Variants in CLOCK observed in about 807,000 individuals in gnomAD.
The protein encoded by CLOCK is clock circadian regulator.
A neutral mutation model predicts 118.4 loss-of-function variants in CLOCK; 43 were observed. The observed-to-expected ratio is 0.36, with a 90% CI of 0.28 to 0.47. The LOEUF (loss-of-function observed/expected upper bound fraction) is 0.47. CLOCK is among the 20% of genes least tolerant of loss of function. CLOCK has a pLI of 1.00. For missense variants in CLOCK, 846 were observed against 999.9 expected, an observed-to-expected ratio of 0.85 and a Z score of 2.08; for synonymous variants, 326 against 339.2, an observed-to-expected ratio of 0.96 and a Z score of 0.43.
intron 2 of CLOCK, among the ~76,000 whole-genome samples, chr4:55,498,065 T>C (rs1728198273): frequency 6.9e-6 from 1 of 144,966 alleles, no homozygotes; most frequent in Non-Finnish European, 1.5e-5. Flanking sequence ...GATTATTAAG[T>C]AGTACTTTGA....
chr4:55,435,386 C>T lies in CLOCK; in HGVS notation c.*29G>A, dbSNP rs760745869. On this transcript the variant is annotated 3_prime_UTR_variant, in exon 23 of 23. Coordinates refer to ENST00000513440, the MANE Select transcript of CLOCK (RefSeq NM_004898.4). ...CTCTTAATGGGCCATCCCCTTCCTC[C>T]CTTGATGTCAAGAGAGGAAGCACGT... is the stretch of plus-strand genomic sequence containing the variant. 3.7e-6 allele frequency: 6 copies of T among 1,611,266 alleles called. No homozygotes were observed. In the Admixed American group the frequency reaches 5.0e-5, roughly 13 times the overall value.
chr4:55,496,633 T>G (rs953273880), intron 2 of CLOCK, among the ~76,000 whole-genome samples: 7 of 152,196 alleles, frequency 4.6e-5, no homozygotes, highest in African/African-American at 1.7e-4. Flanking sequence ...ACACATATAA[T>G]GCAAATAATG....
intron 6 of CLOCK, among the ~76,000 whole-genome samples, chr4:55,477,350 G>A (rs551077995): frequency 6.6e-6 from 1 of 152,064 alleles, no homozygotes; most frequent in Non-Finnish European, 1.5e-5. Flanking sequence ...TTAACAATAG[G>A]CACTGAGGTT....
intron 7 of CLOCK, among the ~76,000 whole-genome samples, chr4:55,474,654 T>G (rs547263754): frequency 1.3e-5 from 2 of 152,308 alleles, no homozygotes; most frequent in South Asian, 4.2e-4. Flanking sequence ...GACTTTTAAG[T>G]TGAAGCCAAT....
rs57022769 is a variant in CLOCK, at chr4:55,539,572, CAAAAAAAAAA to C, written c.-290+7200_-290+7209del. On this transcript the variant is annotated intron_variant, in intron 1 of 22. Coordinates refer to ENST00000513440, the MANE Select transcript of CLOCK (RefSeq NM_004898.4). ...TGGGTGCCAGAGTGAGACCTTGTCTCAAAAAAAAAAAAAAAAAAAAAAAAAAAAGGTGAAA... is the reference window on the plus strand; with the variant it reads ...TGGGTGCCAGAGTGAGACCTTGTCTCAAAAAAAAAAAAAAAAAAGGTGAAA... 1.5e-4 allele frequency among the ~76,000 whole-genome samples: 8 copies of C among 52,064 alleles called. 1 individual carries two copies. In the South Asian group the frequency reaches 4.1e-3, roughly 27 times the overall value. The allele number at this position is 52,064 out of a possible 152,430, so 34.2% of individuals were successfully genotyped here. A position where few individuals can be genotyped will look rare whatever the true frequency, so the allele number is the denominator to read the frequency against.
intron 1 of CLOCK, among the ~76,000 whole-genome samples, chr4:55,541,029 A>T (rs1731238838): frequency 6.6e-6 from 1 of 152,250 alleles, no homozygotes; most frequent in Non-Finnish European, 1.5e-5. Flanking sequence ...TTCACAAGTG[A>T]TTTCTGTAGA....
intron 3 of CLOCK, among the ~76,000 whole-genome samples, chr4:55,483,920 C>T (rs932139413): frequency 4.6e-5 from 7 of 152,044 alleles, no homozygotes; most frequent in Admixed American, 1.3e-4. Context: ...GTTGAGTATC[C>T]CTAATCTGAA....
chr4:55,498,282 T>A (rs1250464677), intron 2 of CLOCK, among the ~76,000 whole-genome samples: 1 of 152,196 alleles, frequency 6.6e-6, no homozygotes, highest in East Asian at 1.9e-4. Context: ...ACAGTTGTTT[T>A]GACTTATTAA....
intron 2 of CLOCK, among the ~76,000 whole-genome samples, chr4:55,492,357 T>TTAAAAA (rs1553898596): frequency 1.5e-4 from 21 of 141,766 alleles, no homozygotes; most frequent in Non-Finnish European, 2.8e-4. Flanking sequence ...CTATTCATGA[T>TTAAAAA]AAAAAAAAAA....
At chr4:55,448,913 TA>T (rs1425665615) in intron 17 of CLOCK, 45 bp from the exon 18 acceptor site, 8 of 1,354,464 alleles carry the variant, frequency 5.9e-6, no homozygotes, top group Non-Finnish European at 8.5e-6. Context: ...CTCATTCCCA[TA>T]CATGAGTACT....
At chr4:55,437,773 C>T (rs988384873) in intron 22 of CLOCK, among the ~76,000 whole-genome samples, 1 of 152,168 alleles carries the variant, frequency 6.6e-6, no homozygotes, top group Non-Finnish European at 1.5e-5. Flanking sequence ...AGCCCAAGTT[C>T]TTAGCTATAC....
intron 9 of CLOCK, 77 bp from the exon 10 acceptor site, chr4:55,459,338 A>G (rs1353489904): frequency 1.1e-6 from 1 of 885,676 alleles, no homozygotes. Flanking sequence ...AAGTAAGATC[A>G]TAAAAGTTGT....
intron 2 of CLOCK, among the ~76,000 whole-genome samples, chr4:55,506,959 T>C (rs138359017): frequency 1.3e-5 from 2 of 152,332 alleles, no homozygotes; most frequent in East Asian, 1.9e-4. Context: ...CTCTATTAAA[T>C]AGCAATATAC....
intron 7 of CLOCK, among the ~76,000 whole-genome samples, chr4:55,472,317 C>T (rs1272642518): frequency 6.6e-6 from 1 of 152,070 alleles, no homozygotes; most frequent in African/African-American, 2.4e-5. Flanking sequence ...AAGGCTATTA[C>T]AAGTCACTCA....
chr4:55,542,970 A>C (rs924550229), intron 1 of CLOCK, among the ~76,000 whole-genome samples: 1 of 152,180 alleles, frequency 6.6e-6, no homozygotes, highest in East Asian at 1.9e-4. Context: ...GTTTTGTTTA[A>C]AACAGGGTGT....
At chr4:55,490,670 T>C (rs558003869) in intron 2 of CLOCK, among the ~76,000 whole-genome samples, 25 of 152,318 alleles carry the variant, frequency 1.6e-4, no homozygotes, top group African/African-American at 5.3e-4. Flanking sequence ...AGATTACTTA[T>C]AATGCATAAT....
At chr4:55,504,353 A>G (rs919115677) in intron 2 of CLOCK, among the ~76,000 whole-genome samples, 2 of 151,370 alleles carry the variant, frequency 1.3e-5, no homozygotes, top group African/African-American at 2.4e-5. Context: ...GCTGGAATTG[A>G]AAACACTCAG....
chr4:55,469,119 CTCTATTTACA>C (rs1436067009), intron 8 of CLOCK, among the ~76,000 whole-genome samples: 1 of 146,732 alleles, frequency 6.8e-6, no homozygotes, highest in Admixed American at 7.2e-5. Flanking sequence ...TTAGAGTATT[CTCTATTTACA>C]TTTTTTTTTT....
intron 1 of CLOCK, among the ~76,000 whole-genome samples, chr4:55,534,909 C>A (rs937731859): frequency 4.0e-5 from 6 of 150,988 alleles, no homozygotes; most frequent in Admixed American, 2.7e-4. Flanking sequence ...TCTCAGCAGC[C>A]TTTTCTGTAT....
Sources: allele counts gnomAD v4.1 joint callset (sites outside exome capture counted in the v4.1 genomes callset), GRCh38; gene constraint gnomAD v4.1.1; transcripts MANE v1.5; gene names NCBI Gene and HGNC (gene_info 2026-07-23, HGNC 2026-07-21).